CNTLN: variants seen among roughly 807,000 people sequenced by gnomAD.
The protein encoded by CNTLN is centlein, centrosomal protein.
Under a neutral mutation model 180.0 loss-of-function variants are expected in CNTLN, and 212 were observed. The ratio of observed to expected loss-of-function variants is 1.18; its 90% CI spans 1.05 to 1.32. The LOEUF (loss-of-function observed/expected upper bound fraction) is 1.32, where lower values mean the gene tolerates loss of function less well. Ranked by LOEUF, CNTLN falls within the 40% of genes most tolerant of loss-of-function variation. The probability of loss-of-function intolerance (pLI) is 0.00; values close to 1 mark genes in which losing one functional copy is unlikely to be tolerated. For missense variants in CNTLN, 2,095 were observed against 1,610.9 expected (o/e 1.30, Z -5.14); for synonymous variants, 722 against 563.1 (o/e 1.28, Z -3.99).
intron 2 of CNTLN, among the ~76,000 whole-genome samples, chr9:17,207,057 A>G (rs546260194): frequency 6.6e-6 from 1 of 152,156 alleles, no homozygotes; most frequent in Admixed American, 6.5e-5. Flanking sequence ...AATCCGCCAC[A>G]GTCTGGTGAG....
intron 13 of CNTLN, among the ~76,000 whole-genome samples, chr9:17,375,247 T>C (rs1231465739): frequency 1.3e-5 from 2 of 151,734 alleles, no homozygotes; most frequent in Non-Finnish European, 2.9e-5. Context: ...AGCTAGAGAG[T>C]AGAAGGATGG....
At chr9:17,420,560 T>A (rs1828636968) in intron 18 of CNTLN, among the ~76,000 whole-genome samples, 1 of 152,126 alleles carries the variant, frequency 6.6e-6, no homozygotes, top group Non-Finnish European at 1.5e-5. Context: ...CATTTATTTC[T>A]TCTCTGATCT....
intron 8 of CNTLN, among the ~76,000 whole-genome samples, chr9:17,325,451 C>T (rs1434834396): frequency 1.4e-5 from 2 of 147,658 alleles, no homozygotes; most frequent in African/African-American, 5.0e-5. Context: ...GTTGTATTCC[C>T]AGAGGGTTTG....
intron 18 of CNTLN, among the ~76,000 whole-genome samples, chr9:17,450,323 T>C (rs1436409181): frequency 6.6e-6 from 1 of 152,184 alleles, no homozygotes; most frequent in African/African-American, 2.4e-5. Context: ...AGTTTTTTTT[T>C]CTTGATAGGC....
intron 10 of CNTLN, among the ~76,000 whole-genome samples, chr9:17,333,452 C>T (rs943432403): frequency 2.6e-5 from 4 of 151,962 alleles, no homozygotes; most frequent in Non-Finnish European, 5.9e-5. Flanking sequence ...ATATAATTCT[C>T]AAGTAGTTTT....
chr9:17,313,122 C>T (rs1819322059), intron 8 of CNTLN, among the ~76,000 whole-genome samples: 1 of 152,086 alleles, frequency 6.6e-6, no homozygotes, highest in Non-Finnish European at 1.5e-5. Flanking sequence ...TTTATGATGT[C>T]AGTATAGCCA....
intron 5 of CNTLN, among the ~76,000 whole-genome samples, chr9:17,238,471 A>G (rs949121834): frequency 6.6e-6 from 1 of 152,174 alleles, no homozygotes; most frequent in African/African-American, 2.4e-5. Context: ...CTTCCTGGAA[A>G]GTAGATCTTA....
rs1356806759 is a variant in CNTLN at position 17,172,131 on chromosome 9, G to T, written c.449+28755G>T. ...GGCGGGTGGCAGCTTCTTCTAGGGGGTGGTTATGGCTACTGTTTATCTCAG... is the reference window on the plus strand; with the variant it reads ...GGCGGGTGGCAGCTTCTTCTAGGGGTTGGTTATGGCTACTGTTTATCTCAG... On this transcript the variant is annotated intron_variant, in intron 2 of 25. Coordinates refer to ENST00000380647, the MANE Select transcript of CNTLN (RefSeq NM_017738.4). Among the ~76,000 whole-genome samples, 3 of 152,234 alleles carry T rather than the reference G, an allele frequency of 2.0e-5. 1 individual carries two copies. The South Asian group carries it at 6.2e-4, about 32-fold the overall frequency.
At chr9:17,474,510 C>T (rs1245481903) in intron 23 of CNTLN, among the ~76,000 whole-genome samples, 1 of 152,188 alleles carries the variant, frequency 6.6e-6, no homozygotes, top group Non-Finnish European at 1.5e-5. Context: ...ATGCATTAGT[C>T]TGCCCTTTCA....
chr9:17,404,501 A>G (rs928491306), intron 15 of CNTLN, among the ~76,000 whole-genome samples: 4 of 151,646 alleles, frequency 2.6e-5, no homozygotes, highest in Admixed American at 6.6e-5. Flanking sequence ...TGGATTCCCT[A>G]TACTGAGCTA....
chr9:17,209,147 A>C (rs573643580), intron 2 of CNTLN, among the ~76,000 whole-genome samples: 16 of 152,258 alleles, frequency 1.1e-4, no homozygotes, highest in Middle Eastern at 3.4e-3. Flanking sequence ...TTATTTAAGA[A>C]AATTTTCAAT....
intron 13 of CNTLN, among the ~76,000 whole-genome samples, chr9:17,372,032 T>C (rs1824361907): frequency 6.6e-6 from 1 of 151,832 alleles, no homozygotes; most frequent in Admixed American, 6.6e-5. Flanking sequence ...TTCAAATAAC[T>C]TAACGATGCA....
chr9:17,380,445 A>G (rs981803118), intron 13 of CNTLN, among the ~76,000 whole-genome samples: 1 of 152,182 alleles, frequency 6.6e-6, no homozygotes. Flanking sequence ...ATACGTGTGT[A>G]ACAGTGTGAT....
In CNTLN at chr9:17,415,181, G is replaced by T. The variant is rs1006274564; in HGVS notation, c.2797-607G>T. 3.3e-5 allele frequency among the ~76,000 whole-genome samples: 5 copies of T among 152,050 alleles called. No homozygotes were observed. In the South Asian group the frequency reaches 8.3e-4, roughly 25 times the overall value. ...CGTTTTGAAACCAAAAGTCAACAAGGCTTCCTTTTATTCAGCCTCAGTGTA... is the reference window on the plus strand; with the variant it reads ...CGTTTTGAAACCAAAAGTCAACAAGTCTTCCTTTTATTCAGCCTCAGTGTA... On this transcript the variant is annotated intron_variant, in intron 16 of 25. Transcript: ENST00000380647.
intron 13 of CNTLN, among the ~76,000 whole-genome samples, chr9:17,369,144 C>T (rs1445553688): frequency 6.6e-6 from 1 of 152,102 alleles, no homozygotes; most frequent in African/African-American, 2.4e-5. Flanking sequence ...CCATGCTGCT[C>T]TCATGATAGT....
intron 14 of CNTLN, 48 bp downstream of exon 14, chr9:17,388,301 T>A: frequency 8.1e-7 from 1 of 1,239,030 alleles, no homozygotes; most frequent in East Asian, 2.3e-5. Context: ...AATCTGAATT[T>A]TAACATAAAG....
chr9:17,144,846 T>A lies in CNTLN; in HGVS notation c.449+1470T>A, dbSNP rs531672115. Among the ~76,000 whole-genome samples the A allele has an allele frequency of 3.0e-3, 442 of 148,650 alleles. 6 individuals are homozygous for A. The highest frequency in any genetic ancestry group is 9.2e-3 in the African/African-American group (372 of 40,600). On this transcript the variant is annotated intron_variant, in intron 2 of 25. Coordinates refer to ENST00000380647, the MANE Select transcript of CNTLN (RefSeq NM_017738.4). ...TATTTTATTTTTTTTATTTTATTTT[T>A]TTTTTTGAGACGGAGTCTCGCTCTG...
chr9:17,214,059 A>T (rs1307709412), intron 2 of CNTLN, among the ~76,000 whole-genome samples: 1 of 152,092 alleles, frequency 6.6e-6, no homozygotes, highest in African/African-American at 2.4e-5. Context: ...TTTACATTTA[A>T]GATTAATATT....
chr9:17,359,797 G>A (rs1189660948), intron 12 of CNTLN, among the ~76,000 whole-genome samples: 1 of 144,864 alleles, frequency 6.9e-6, no homozygotes, highest in East Asian at 2.1e-4. Context: ...CTACTCAGGA[G>A]GCTGAGGCAG....
Sources: gnomAD v4.1 joint callset for allele counts (sites outside exome capture counted in the v4.1 genomes callset) on GRCh38, gnomAD v4.1.1 for gene constraint, MANE v1.5 for transcripts, NCBI Gene and HGNC (gene_info 2026-07-23, HGNC 2026-07-21) for gene names.